BANK1: variants seen among roughly 807,000 people sequenced by gnomAD.
BANK1 encodes the protein B-cell scaffold protein with ankyrin repeats.
Under a neutral mutation model 94.5 loss-of-function variants are expected in BANK1, and 95 were observed. The observed-to-expected ratio is 1.00, with a 90% CI of 0.85 to 1.19. The LOEUF (loss-of-function observed/expected upper bound fraction) is 1.19. Ranked by LOEUF, BANK1 falls within the 50% of genes most tolerant of loss-of-function variation. The pLI is 0.00. For synonymous variants in BANK1, 334 were observed against 308.4 expected (o/e 1.08, Z -0.87); for missense variants, 987 against 932.2 (o/e 1.06, Z -0.77).
chr4:101,954,602 T>C (rs1456707406), intron 7 of BANK1, among the ~76,000 whole-genome samples: 5 of 152,012 alleles, frequency 3.3e-5, no homozygotes, highest in Non-Finnish European at 7.4e-5. Flanking sequence ...GCTGGCATGC[T>C]GACAAAAAAA....
intron 6 of BANK1, among the ~76,000 whole-genome samples, chr4:101,906,798 C>T (rs752182726): frequency 2.8e-4 from 43 of 152,078 alleles, no homozygotes; most frequent in Non-Finnish European, 5.1e-4. Flanking sequence ...TTTTCTGTTC[C>T]AACTGTTGCT....
chr4:102,036,113 A>G (rs1727507225), intron 10 of BANK1, among the ~76,000 whole-genome samples: 1 of 152,248 alleles, frequency 6.6e-6, no homozygotes, highest in South Asian at 2.1e-4. Context: ...TTTCTTCAGA[A>G]TCCATGTGAC....
intron 6 of BANK1, among the ~76,000 whole-genome samples, chr4:101,897,017 A>G (rs895685277): frequency 6.6e-6 from 1 of 152,014 alleles, no homozygotes; most frequent in African/African-American, 2.4e-5. Context: ...AGGCTAGGTA[A>G]CAGGTTAGTT....
chr4:101,834,133 GT>G (rs1387118928), intron 2 of BANK1, among the ~76,000 whole-genome samples: 1 of 151,960 alleles, frequency 6.6e-6, no homozygotes, highest in Non-Finnish European at 1.5e-5. Context: ...CCTTTTTGTT[GT>G]TTCAGTTGTT....
chr4:102,025,502 C>G lies in BANK1; in HGVS notation c.1587C>G (p.Thr529=). The G allele has an allele frequency of 6.2e-7, 1 of 1,610,588 alleles. No homozygotes were observed. Among genetic ancestry groups the G allele is most frequent in the Non-Finnish European group, 8.5e-7 (1 of 1,179,780 alleles). ...TCCAACTGGAAAGACCTCACTTCAC[C>G]TTACCAGGTAAGTTTAAGGTTAGAA... The part of the protein sequence containing the change: ...NAFQLERPHF[T]LPGTMVEGQM... The change falls in exon 9 of 17, where the codon ACC becomes ACG. Residue 529 remains threonine (T), a synonymous_variant. Transcript: ENST00000322953.
intron 7 of BANK1, among the ~76,000 whole-genome samples, chr4:101,930,744 A>T (rs1176025417): frequency 6.6e-6 from 1 of 151,538 alleles, no homozygotes; most frequent in Non-Finnish European, 1.5e-5. Flanking sequence ...ACATTTGGTA[A>T]TAAGTAGAGA....
At chr4:101,928,865 G>A (rs1344481876) in intron 7 of BANK1, among the ~76,000 whole-genome samples, 1 of 151,616 alleles carries the variant, frequency 6.6e-6, no homozygotes, top group Non-Finnish European at 1.5e-5. Context: ...GCCAGATTGG[G>A]TTAGAAACTT....
intron 2 of BANK1, among the ~76,000 whole-genome samples, chr4:101,846,759 ACCT>A (rs1166280419): frequency 6.6e-6 from 1 of 152,050 alleles, no homozygotes; most frequent in African/African-American, 2.4e-5. Context: ...TGATCTAGTC[ACCT>A]CCTACCAGAT....
intron 6 of BANK1, among the ~76,000 whole-genome samples, chr4:101,902,809 G>A (rs901380133): frequency 7.2e-5 from 11 of 152,208 alleles, no homozygotes; most frequent in Admixed American, 7.2e-4. Context: ...TAGCAACTAG[G>A]AGATCAGCCA....
intron 5 of BANK1, among the ~76,000 whole-genome samples, chr4:101,877,580 A>C (rs895292805): frequency 6.6e-6 from 1 of 151,288 alleles, no homozygotes; most frequent in East Asian, 1.9e-4. Context: ...TTTTGCTCGT[A>C]TGTTTGTTAG....
At chr4:101,868,290 G>A (rs1459959419) in intron 4 of BANK1, among the ~76,000 whole-genome samples, 1 of 151,954 alleles carries the variant, frequency 6.6e-6, no homozygotes, top group Admixed American at 6.6e-5. Flanking sequence ...CTAATACCAT[G>A]CTAACACTAA....
At chr4:102,041,220 A>G (rs1284421608) in intron 10 of BANK1, among the ~76,000 whole-genome samples, 3 of 152,062 alleles carry the variant, frequency 2.0e-5, no homozygotes, top group Admixed American at 2.0e-4. Context: ...TTTTAGAACA[A>G]AGGTTTTGCT....
intron 7 of BANK1, among the ~76,000 whole-genome samples, chr4:101,995,833 T>G (rs1426612486): frequency 6.6e-6 from 1 of 152,214 alleles, no homozygotes; most frequent in Non-Finnish European, 1.5e-5. Context: ...TCCTTGTAGA[T>G]TCTGGATATT....
chr4:101,854,151 G>C (rs1190027573), intron 2 of BANK1, among the ~76,000 whole-genome samples: 1 of 151,976 alleles, frequency 6.6e-6, no homozygotes, highest in Non-Finnish European at 1.5e-5. Context: ...TCCCTTCTTG[G>C]GGGGTTTCAG....
At chr4:101,846,015 C>G (rs548718259) in intron 2 of BANK1, among the ~76,000 whole-genome samples, 1 of 152,134 alleles carries the variant, frequency 6.6e-6, no homozygotes, top group Non-Finnish European at 1.5e-5. Flanking sequence ...TCCCTCCCCC[C>G]TTCCCCCACC....
At chr4:101,907,961 G>A (rs1361045560) in intron 6 of BANK1, among the ~76,000 whole-genome samples, 4 of 152,156 alleles carry the variant, frequency 2.6e-5, no homozygotes, top group Non-Finnish European at 4.4e-5. Context: ...AATCAGTATC[G>A]TGAAAATAGC....
chr4:101,845,972 G>A (rs1231484622), intron 2 of BANK1, among the ~76,000 whole-genome samples: 4 of 152,028 alleles, frequency 2.6e-5, no homozygotes, highest in African/African-American at 7.2e-5. Context: ...CCATTAACTC[G>A]TCATTTACCA....
At chr4:101,827,875 T>C (rs976560632) in intron 1 of BANK1, among the ~76,000 whole-genome samples, 2 of 151,932 alleles carry the variant, frequency 1.3e-5, no homozygotes, top group Admixed American at 6.6e-5. Flanking sequence ...TTCAAAAAGA[T>C]ACATTTATAT....
At chr4:101,962,411 T>C (rs535403823) in intron 7 of BANK1, among the ~76,000 whole-genome samples, 1 of 152,322 alleles carries the variant, frequency 6.6e-6, no homozygotes, top group South Asian at 2.1e-4. Flanking sequence ...CACTGGAAGC[T>C]CTTCCACTGT....
Sources: gnomAD v4.1 joint callset for allele counts (sites outside exome capture counted in the v4.1 genomes callset) on GRCh38, gnomAD v4.1.1 for gene constraint, MANE v1.5 for transcripts, NCBI Gene and HGNC (gene_info 2026-07-23, HGNC 2026-07-21) for gene names.